Variants in ASL observed in about 807,000 individuals in gnomAD.
ASL encodes the protein argininosuccinate lyase, also known as argininosuccinase.
A neutral mutation model predicts 69.1 loss-of-function variants in ASL; 51 were observed. The observed-to-expected ratio is 0.74, with a 90% CI of 0.59 to 0.93. ASL has a LOEUF of 0.93. Ranked by LOEUF, ASL falls within the 40% of genes least tolerant of loss-of-function variation. The pLI is 0.00. For missense variants in ASL, 540 were observed against 623.9 expected (o/e 0.87, Z 1.43); for synonymous variants, 241 against 247.6 (o/e 0.97, Z 0.25).
intron 6 of ASL, among the ~76,000 whole-genome samples, chr7:66,085,487 CA>C (rs1554326816): frequency 6.9e-6 from 1 of 145,028 alleles, no homozygotes; most frequent in Non-Finnish European, 1.5e-5. Context: ...ACAACAACAA[CA>C]AAAAAACAGG....
At chr7:66,080,596 G>A (rs908746643) in intron 2 of ASL, among the ~76,000 whole-genome samples, 4 of 150,858 alleles carry the variant, frequency 2.7e-5, no homozygotes, top group South Asian at 2.1e-4. Context: ...GGTGGCACAC[G>A]CCTGAAATTC....
chr7:66,089,706 A>AC lies in ASL; in HGVS notation c.1062+17dup, dbSNP rs750441507. The stretch of plus-strand genomic sequence containing the variant: ...ATCTCTACGCTGCAGGCAAGACATC[A>AC]CCCCCCTGCTTCTCCTCCCCTAGGT... On this transcript the variant is annotated intron_variant, in intron 14 of 16. Coordinates refer to ENST00000304874, the MANE Select transcript of ASL (RefSeq NM_000048.4). The AC allele has an allele frequency of 1.2e-6, 2 of 1,610,402 alleles. No homozygotes were observed. Among genetic ancestry groups the AC allele is most frequent in the Non-Finnish European group, 8.5e-7 (1 of 1,179,276 alleles).
Position 66,087,800 on chromosome 7 carries a change from T to C in ASL, c.718+9T>C. On this transcript the variant is annotated intron_variant, in intron 10 of 16. Coordinates refer to ENST00000304874, the MANE Select transcript of ASL (RefSeq NM_000048.4). ...TGAGCGGGACTTTGTGGGTGAGTCC[T>C]GGGGAGCCAGTCCCCTGCCCTGTGC... 1 of 1,614,108 alleles carries C rather than the reference T, an allele frequency of 6.2e-7. No individual in the cohort carries two copies.
intron 1 of ASL, 53 bp downstream of exon 1, chr7:66,075,909 C>T: frequency 1.3e-6 from 1 of 774,902 alleles, no homozygotes; most frequent in Non-Finnish European, 2.1e-6. Context: ...CGCCGAGCAC[C>T]GTGGCGCGCG....
rs776526632 is a variant in ASL at position 66,088,957 on chromosome 7, C to T, written c.833+36C>T. On this transcript the variant is annotated intron_variant, in intron 11 of 16. Coordinates refer to ENST00000304874, the MANE Select transcript of ASL (RefSeq NM_000048.4). ...AACTGCCACCTCCATCTGCCGCTGC[C>T]GGCCTCTGTATCCCCCGCCGCCCGC... 1.7e-5 allele frequency: 28 copies of T among 1,609,298 alleles called. No homozygotes were observed. The Admixed American group carries it at 4.7e-4, about 27-fold the overall frequency.
At chr7:66,087,185 A>G in intron 8 of ASL, 149 bp from the exon 9 acceptor site, 1 of 873,260 alleles carries the variant, frequency 1.1e-6, no homozygotes, top group South Asian at 1.4e-5. Flanking sequence ...GCCAGGGAAG[A>G]GGCTAAGCGC....
intron 10 of ASL, among the ~76,000 whole-genome samples, chr7:66,088,483 A>G (rs985736734): frequency 6.6e-6 from 1 of 152,148 alleles, no homozygotes; most frequent in Non-Finnish European, 1.5e-5. Flanking sequence ...CTCCATCTCA[A>G]TAAATAAATA....
chr7:66,089,039 G>A (rs1310677485), intron 11 of ASL, 52 bp from the exon 12 acceptor site: 15 of 1,612,176 alleles, frequency 9.3e-6, no homozygotes, highest in South Asian at 3.3e-5. Context: ...CCATTGCGGC[G>A]CTGGACCAGC....
chr7:66,092,594 C>T lies in ASL; in HGVS notation c.1181C>T (p.Ala394Val). 1 of 1,612,500 alleles carries T rather than the reference C, an allele frequency of 6.2e-7. No individual in the cohort carries two copies. Among genetic ancestry groups the T allele is most frequent in the South Asian group, 1.1e-5 (1 of 91,078 alleles). The change falls in exon 16 of 17, where the codon GCT becomes GTT. Residue 394 changes from alanine (A) to valine (V), a missense_variant. Physicochemically the swap from Ala to Val is moderately conservative, Grantham distance 64. Coordinates refer to ENST00000304874, the MANE Select transcript of ASL (RefSeq NM_000048.4). ...FRQAHEASGK[A>V]VFMAETKGVA... The stretch of plus-strand genomic sequence containing the variant: ...CAGGCCCACGAGGCCTCCGGGAAAG[C>T]TGTGTTCATGGCCGAGACCAAGGGG...
intron 6 of ASL, among the ~76,000 whole-genome samples, chr7:66,085,154 G>C (rs1479849435): frequency 6.6e-6 from 1 of 152,132 alleles, no homozygotes; most frequent in East Asian, 1.9e-4. Flanking sequence ...TGAGTAAATT[G>C]TGAATGATAT....
chr7:66,076,318 C>G (rs1424816974), intron 2 of ASL, among the ~76,000 whole-genome samples: 1 of 152,216 alleles, frequency 6.6e-6, no homozygotes, highest in East Asian at 1.9e-4. Context: ...GTGGCAAACC[C>G]ACCAACCCAC....
rs2115689858 is a variant in ASL, at chr7:66,081,795, C to T, written c.13-8C>T. The T allele has an allele frequency of 6.2e-7, 1 of 1,612,424 alleles. No individual in the cohort carries two copies. The highest frequency in any genetic ancestry group is 8.5e-7 in the Non-Finnish European group (1 of 1,179,116). ...GGAGAGACTAATTGTTCTTGCTCTC[C>T]TGGCCAGAGTGGGAAGCTTTGGGGT... On this transcript the variant is annotated splice_polypyrimidine_tract_variant and splice_region_variant and intron_variant, in intron 2 of 16. Transcript: ENST00000304874.
At chr7:66,078,843 C>T (rs1188683872) in intron 2 of ASL, among the ~76,000 whole-genome samples, 1 of 151,970 alleles carries the variant, frequency 6.6e-6, no homozygotes, top group East Asian at 1.9e-4. Flanking sequence ...CCATGTTGGC[C>T]AGGCTGATCT....
intron 8 of ASL, 85 bp downstream of exon 8, chr7:66,086,906 G>A (rs1445879114): frequency 1.4e-6 from 2 of 1,474,526 alleles, no homozygotes; most frequent in Admixed American, 2.0e-5. Context: ...GAAGTGCAGA[G>A]TGGGACAGAA....
intron 8 of ASL, 61 bp from the exon 9 acceptor site, chr7:66,087,273 T>C: frequency 3.5e-6 from 5 of 1,430,318 alleles, no homozygotes; most frequent in Middle Eastern, 3.5e-4. Flanking sequence ...TGTGTGTGTG[T>C]GTGTGTGTGT....
chr7:66,083,816 C>G (rs1261959957), intron 6 of ASL, among the ~76,000 whole-genome samples: 1 of 152,168 alleles, frequency 6.6e-6, no homozygotes, highest in Non-Finnish European at 1.5e-5. Flanking sequence ...TCCCCCAGAT[C>G]CCCCATCCTA....
chr7:66,083,959 G>A (rs994186680), intron 6 of ASL, among the ~76,000 whole-genome samples: 2 of 152,120 alleles, frequency 1.3e-5, no homozygotes, highest in African/African-American at 4.8e-5. Context: ...AGACCTGGAC[G>A]AAGAGCTGCT....
Position 66,082,196 on chromosome 7 carries a change from C to T in ASL, c.208-172C>T, listed in dbSNP as rs1786523596. Among the ~76,000 whole-genome samples, 3 of 152,148 alleles carry T rather than the reference C, an allele frequency of 2.0e-5. No individual in the cohort carries two copies. In the South Asian group the frequency reaches 6.2e-4, roughly 32 times the overall value. On this transcript the variant is annotated intron_variant, in intron 3 of 16. Coordinates refer to ENST00000304874, the MANE Select transcript of ASL (RefSeq NM_000048.4). ...AATGACCCCTGTGGCCCACATGGCT[C>T]ATGGGTAAAGGTGTGCTGGGCCTGA...
intron 14 of ASL, chr7:66,091,803 C>T (rs940322323): frequency 1.6e-6 from 1 of 615,560 alleles, no homozygotes; most frequent in Admixed American, 2.6e-5. Flanking sequence ...GTAAAACATA[C>T]AGGCCAGTAA....
Sources: gnomAD v4.1 joint callset for allele counts (sites outside exome capture counted in the v4.1 genomes callset) on GRCh38, gnomAD v4.1.1 for gene constraint, MANE v1.5 for transcripts, NCBI Gene and HGNC (gene_info 2026-07-23, HGNC 2026-07-21) for gene names.